GASK1A: variants seen among roughly 807,000 people sequenced by gnomAD.
GASK1A encodes Golgi-associated kinase 1A.
GASK1A carries 40 observed loss-of-function variants against 41.2 expected under a neutral mutation model. That is an observed-to-expected ratio of 0.97 (90% CI 0.75 to 1.27). The LOEUF (loss-of-function observed/expected upper bound fraction) is 1.27. Ranked by LOEUF, GASK1A falls within the 50% of genes most tolerant of loss-of-function variation. The pLI is 0.00. For synonymous variants in GASK1A, 316 were observed against 307.1 expected (o/e 1.03, Z -0.30); for missense variants, 678 against 745.1 (o/e 0.91, Z 1.05).
intron 2 of GASK1A, among the ~76,000 whole-genome samples, chr3:43,040,112 T>A (rs1001769826): frequency 2.6e-5 from 4 of 152,246 alleles, no homozygotes; most frequent in Non-Finnish European, 4.4e-5. Context: ...GCGTTATTTT[T>A]AAAATTCTCT....
chr3:43,048,765 C>T (rs2089675317), intron 2 of GASK1A, among the ~76,000 whole-genome samples: 2 of 152,148 alleles, frequency 1.3e-5, no homozygotes, highest in South Asian at 2.1e-4. Flanking sequence ...GCAAGAGTAC[C>T]TCTACATATG....
chr3:43,031,495 T>G (rs993009846), intron 1 of GASK1A, among the ~76,000 whole-genome samples: 6 of 152,218 alleles, frequency 3.9e-5, no homozygotes, highest in African/African-American at 1.4e-4. Flanking sequence ...TGGTCCCACG[T>G]GAACTTCAGT....
intron 4 of GASK1A, 83 bp from the exon 5 acceptor site, chr3:43,056,093 T>C: frequency 8.8e-7 from 1 of 1,133,770 alleles, no homozygotes; most frequent in Non-Finnish European, 1.3e-6. Context: ...GCTCTGGCCA[T>C]CTGGCATCAC....
chr3:43,003,913 G>T (rs2089422025), intron 1 of GASK1A, among the ~76,000 whole-genome samples: 1 of 152,164 alleles, frequency 6.6e-6, no homozygotes, highest in South Asian at 2.1e-4. Context: ...AGGTGATTTT[G>T]CCCCCTAGTG....
chr3:43,039,985 T>G (rs2089627492), intron 2 of GASK1A, among the ~76,000 whole-genome samples: 1 of 152,222 alleles, frequency 6.6e-6, no homozygotes, highest in Non-Finnish European at 1.5e-5. Flanking sequence ...AATTAAGCTT[T>G]GTTTATAGTC....
intron 2 of GASK1A, among the ~76,000 whole-genome samples, chr3:43,040,984 T>C (rs1437416873): frequency 8.6e-5 from 13 of 150,950 alleles, no homozygotes; most frequent in African/African-American, 2.4e-4. Context: ...GTTTGGTTTT[T>C]TGTTCTTGCG....
At chr3:42,999,212 G>A (rs1458389709) in intron 1 of GASK1A, among the ~76,000 whole-genome samples, 1 of 152,132 alleles carries the variant, frequency 6.6e-6, no homozygotes, top group Non-Finnish European at 1.5e-5. Context: ...CTTGGTTGAG[G>A]TTGGTGGGAA....
chr3:43,030,793 G>GTCGGGGTCCCTGGATAGATATGGC (rs1368014491), intron 1 of GASK1A, among the ~76,000 whole-genome samples: 6 of 152,184 alleles, frequency 3.9e-5, no homozygotes, highest in Non-Finnish European at 1.5e-5. Context: ...TAGGTCATGG[G>GTCGGGGTCCCTGGATAGATATGGC]TCGGGGTCCC....
intron 1 of GASK1A, among the ~76,000 whole-genome samples, chr3:42,994,339 A>G (rs1220840103): frequency 1.3e-5 from 2 of 152,108 alleles, no homozygotes; most frequent in Non-Finnish European, 1.5e-5. Context: ...CAGGGGAGGC[A>G]TGGAGGCAGG....
intron 1 of GASK1A, among the ~76,000 whole-genome samples, chr3:42,995,141 G>A (rs908642364): frequency 8.5e-5 from 13 of 152,250 alleles, no homozygotes; most frequent in Non-Finnish European, 2.9e-5. Context: ...ATAAGTGAAG[G>A]AAGTGGGCTG....
At chr3:43,044,227 A>T (rs1030595774) in intron 2 of GASK1A, among the ~76,000 whole-genome samples, 1 of 152,130 alleles carries the variant, frequency 6.6e-6, no homozygotes, top group Admixed American at 6.5e-5. Flanking sequence ...CTGCCCTGAC[A>T]TTTGCTGTCC....
intron 2 of GASK1A, 101 bp downstream of exon 2, chr3:43,033,654 C>A: frequency 8.7e-7 from 1 of 1,150,972 alleles, no homozygotes. Flanking sequence ...TGACTCTCCC[C>A]CAAGTCTTGG....
chr3:43,055,455 C>T lies in GASK1A; in HGVS notation c.1437C>T (p.His479=), dbSNP rs1302805851. 4 of 1,551,608 alleles carry T rather than the reference C, an allele frequency of 2.6e-6. No individual in the cohort carries two copies. Among genetic ancestry groups the T allele is most frequent in the African/African-American group, 1.4e-5 (1 of 73,028 alleles). The stretch of plus-strand genomic sequence containing the variant: ...AGGTCCGGAGCAGCGATCCATCTCA[C>T]CTGGTCTACATCGATAACGCTGGCA... ...HILVRSSDPS[H]LVYIDNAGNL... Residue 479 remains histidine, a synonymous_variant, in exon 4 of 5, where the codon CAC becomes CAT. Transcript: ENST00000430121.
At position 43,055,542 on chromosome 3, in the gene GASK1A, G is replaced by C. The variant is rs1325460867; in HGVS notation, c.1517+7G>C. ...TGCTGGAGGGCATAGATGGGTGAGG[G>C]TCAAAAGGGTTGGGTGGAAGTTCAT... On this transcript the variant is annotated splice_region_variant and intron_variant, in intron 4 of 4. Coordinates refer to ENST00000430121, the MANE Select transcript of GASK1A (RefSeq NM_001129908.3). 11 of 1,547,604 alleles carry C rather than the reference G, an allele frequency of 7.1e-6. No individual in the cohort carries two copies. Among genetic ancestry groups the C allele is most frequent in the Non-Finnish European group, 3.5e-6 (4 of 1,143,214 alleles).
At chr3:43,000,580 C>T (rs559326651) in intron 1 of GASK1A, among the ~76,000 whole-genome samples, 3 of 152,334 alleles carry the variant, frequency 2.0e-5, no homozygotes, top group East Asian at 1.9e-4. Context: ...CATCAGAAGG[C>T]GAACATTCCC....
intron 2 of GASK1A, among the ~76,000 whole-genome samples, chr3:43,034,693 T>G (rs1221175433): frequency 6.6e-6 from 1 of 152,188 alleles, no homozygotes; most frequent in East Asian, 1.9e-4. Flanking sequence ...TGGGTTTCTA[T>G]TTTAGAAAAT....
intron 1 of GASK1A, among the ~76,000 whole-genome samples, chr3:42,988,419 G>C (rs538431294): frequency 6.6e-6 from 1 of 152,326 alleles, no homozygotes; most frequent in Admixed American, 6.5e-5. Flanking sequence ...TAAGAGCCAG[G>C]TTGGGTAGGG....
intron 1 of GASK1A, among the ~76,000 whole-genome samples, chr3:43,025,958 G>GT (rs2089545241): frequency 6.6e-6 from 1 of 152,202 alleles, no homozygotes; most frequent in Non-Finnish European, 1.5e-5. Context: ...TGGGAACAGC[G>GT]TAAGAAGCAG....
intron 1 of GASK1A, among the ~76,000 whole-genome samples, chr3:43,010,239 A>T (rs1162455446): frequency 6.6e-6 from 1 of 151,478 alleles, no homozygotes; most frequent in Non-Finnish European, 1.5e-5. Flanking sequence ...CAATAACAGA[A>T]ACCACTCTGG....
Sources: allele counts gnomAD v4.1 joint callset (sites outside exome capture counted in the v4.1 genomes callset), GRCh38; gene constraint gnomAD v4.1.1; transcripts MANE v1.5; gene names NCBI Gene and HGNC (gene_info 2026-07-23, HGNC 2026-07-21).